Variants in KDM6A observed in about 807,000 individuals in gnomAD.
KDM6A encodes lysine demethylase 6A.
In KDM6A, 11 loss-of-function variants were observed where a neutral mutation model predicts 117.6. That is an observed-to-expected ratio of 0.09 (90% CI 0.06 to 0.15). The LOEUF (loss-of-function observed/expected upper bound fraction) is 0.15. Among genes scored for constraint, KDM6A ranks in the 10% least tolerant of loss-of-function variants. KDM6A has a pLI of 1.00. For missense variants in KDM6A, 799 were observed against 1,077.3 expected (o/e 0.74, Z 3.62); for synonymous variants, 384 against 396.1 (o/e 0.97, Z 0.36).
chrX:45,011,125 T>G (rs1439236346), intron 5 of KDM6A, 106 bp downstream of exon 5: 6 of 568,993 alleles, frequency 1.1e-5, no homozygotes, highest in Non-Finnish European at 1.8e-5. Flanking sequence ...AATAGAAAAT[T>G]TAGTGTCATT....
intron 4 of KDM6A, among the ~76,000 whole-genome samples, chrX:44,975,936 T>A (rs1320748234): frequency 8.9e-6 from 1 of 112,259 alleles, no homozygotes; most frequent in Non-Finnish European, 1.9e-5. Context: ...CAGGGGAGGA[T>A]CCTGGCCTCT....
intron 26 of KDM6A, among the ~76,000 whole-genome samples, chrX:45,090,266 A>T (rs1272337385): frequency 3.6e-5 from 4 of 112,406 alleles, no homozygotes; most frequent in Admixed American, 9.4e-5. Flanking sequence ...AGTGTTTCAT[A>T]TGAATAGCTC....
chrX:45,107,489 C>T lies in KDM6A; in HGVS notation c.4114C>T (p.His1372Tyr), dbSNP rs2148289171. ...TGCTGCAGGAAAAGAGATTATATGG[C>T]ATGGGCGGACAAAAGAAGAACCAGC... ...LIAAGKEIIWHGRTKEEPAHY... is the reference protein window; with the variant it reads ...LIAAGKEIIWYGRTKEEPAHY... Residue 1372 changes from histidine (H) to tyrosine (Y), a missense_variant, in exon 28 of 30, where the codon CAT becomes TAT. This residue lies in a region of KDM6A where 291 missense variants were observed against 437.9 expected (regional missense o/e 0.66). Coordinates refer to ENST00000611820, the MANE Select transcript of KDM6A (RefSeq NM_001291415.2). The T allele has an allele frequency of 8.3e-7, 1 of 1,209,183 alleles. No individual in the cohort carries two copies. Among genetic ancestry groups the T allele is most frequent in the Non-Finnish European group, 1.1e-6 (1 of 893,186 alleles).
chrX:45,061,877 T>C (rs763514476), intron 15 of KDM6A, among the ~76,000 whole-genome samples: 133 of 109,476 alleles, frequency 1.2e-3, no homozygotes, highest in Non-Finnish European at 2.3e-3. Context: ...ACCAGAATAA[T>C]GAAGAGCATT....
At chrX:45,020,835 G>T in intron 6 of KDM6A, 105 bp downstream of exon 6, 1 of 933,964 alleles carries the variant, frequency 1.1e-6, no homozygotes, top group East Asian at 3.2e-5. Flanking sequence ...ATTTATATTG[G>T]CACTTTAAAA....
At chrX:44,996,755 T>A (rs903997727) in intron 4 of KDM6A, among the ~76,000 whole-genome samples, 4 of 111,574 alleles carry the variant, frequency 3.6e-5, no homozygotes, top group African/African-American at 1.3e-4. Flanking sequence ...AGATACTGAT[T>A]TACTCAGCGG....
chrX:45,020,466 TTTAGTATTTA>T, intron 5 of KDM6A, 134 bp from the exon 6 acceptor site: 1 of 592,882 alleles, frequency 1.7e-6, no homozygotes, highest in Non-Finnish European at 2.6e-6. Flanking sequence ...ATTTTACTTT[TTTAGTATTTA>T]TTAACATCAT....
chrX:45,044,666 C>T (rs1239094285), intron 8 of KDM6A, among the ~76,000 whole-genome samples: 1 of 111,800 alleles, frequency 8.9e-6, no homozygotes, highest in South Asian at 3.6e-4. Flanking sequence ...ATGTTCTCTT[C>T]TGACCTTGCT....
intron 3 of KDM6A, among the ~76,000 whole-genome samples, chrX:44,966,522 G>A: frequency 9.0e-6 from 1 of 111,043 alleles, no homozygotes; most frequent in South Asian, 3.8e-4. Flanking sequence ...GGAAGGGAGG[G>A]CATGTGGCAA....
Position 45,111,400 on chromosome X carries a change from G to A in KDM6A, c.4351G>A (p.Ala1451Thr), listed in dbSNP as rs2046764359. 10 of 1,197,111 alleles carry A rather than the reference G, an allele frequency of 8.4e-6. No homozygotes were observed. The highest frequency in any genetic ancestry group is 1.1e-5 in the Non-Finnish European group (10 of 885,006). The change falls in exon 30 of 30, where the codon GCC becomes ACC. Residue 1451 changes from alanine (A) to threonine (T), a missense_variant. Coordinates refer to ENST00000611820, the MANE Select transcript of KDM6A (RefSeq NM_001291415.2). Reference sequence around the variant, plus strand: ...TTTTCAGGCTCCTCCATTACCATCCGCCTCATCTTGATATTGTTCCATGGA... The same window carrying A: ...TTTTCAGGCTCCTCCATTACCATCCACCTCATCTTGATATTGTTCCATGGA... ...QFTLAPPLPS[A>T]SS
chrX:45,071,783 T>TTTC (rs1338504341), intron 18 of KDM6A, among the ~76,000 whole-genome samples: 1 of 111,565 alleles, frequency 9.0e-6, no homozygotes, highest in Non-Finnish European at 1.9e-5. Flanking sequence ...TTTCTTGTCT[T>TTTC]TTTTTAAGAC....
intron 2 of KDM6A, among the ~76,000 whole-genome samples, chrX:44,888,112 C>T (rs1175947116): frequency 9.0e-6 from 1 of 111,542 alleles, no homozygotes; most frequent in African/African-American, 3.3e-5. Flanking sequence ...CAAGACCAGC[C>T]TGGCCAAGAT....
chrX:45,004,503 G>A (rs2041330301), intron 4 of KDM6A, among the ~76,000 whole-genome samples: 1 of 111,312 alleles, frequency 9.0e-6, no homozygotes, highest in Non-Finnish European at 1.9e-5. Context: ...AACTTTTAGT[G>A]ACAAATTGGA....
chrX:45,084,182 G>C (rs1407004679), intron 24 of KDM6A, among the ~76,000 whole-genome samples: 1 of 111,814 alleles, frequency 8.9e-6, no homozygotes, highest in African/African-American at 3.3e-5. Context: ...AATTAGGCTT[G>C]TCACTTTTGG....
rs184775613 is a variant in KDM6A, at chrX:45,087,931, A to T, written c.3705-1812A>T. ...TTTCACATAAAGATTGTTGCTTTTGATAGTGACTGTATACTGTATCTGTAG... is the reference window on the plus strand; with the variant it reads ...TTTCACATAAAGATTGTTGCTTTTGTTAGTGACTGTATACTGTATCTGTAG... On this transcript the variant is annotated intron_variant, in intron 25 of 29. Coordinates refer to ENST00000611820, the MANE Select transcript of KDM6A (RefSeq NM_001291415.2). Among the ~76,000 whole-genome samples the T allele has an allele frequency of 5.4e-5, 6 of 112,033 alleles. No homozygotes were observed. In the East Asian group the frequency reaches 1.7e-3, roughly 31 times the overall value.
intron 2 of KDM6A, among the ~76,000 whole-genome samples, chrX:44,894,630 T>C (rs2033654532): frequency 9.1e-6 from 1 of 109,315 alleles, no homozygotes; most frequent in Non-Finnish European, 1.9e-5. Context: ...AATTTTTTTT[T>C]TTTTTGAGAC....
intron 4 of KDM6A, among the ~76,000 whole-genome samples, chrX:44,984,362 G>A (rs1472133251): frequency 9.0e-6 from 1 of 111,347 alleles, no homozygotes; most frequent in African/African-American, 3.3e-5. Context: ...TTTGTGGGTT[G>A]CCTGTTCACT....
At chrX:44,909,144 A>G (rs1363839004) in intron 2 of KDM6A, among the ~76,000 whole-genome samples, 1 of 111,901 alleles carries the variant, frequency 8.9e-6, no homozygotes, top group South Asian at 3.7e-4. Context: ...ACCGACTTCT[A>G]TCATCATAGA....
intron 26 of KDM6A, among the ~76,000 whole-genome samples, chrX:45,090,370 T>C (rs1453095051): frequency 8.9e-6 from 1 of 112,211 alleles, no homozygotes; most frequent in Non-Finnish European, 1.9e-5. Context: ...AGACCTGGAT[T>C]AGGACCAGGA....
Sources: gnomAD v4.1 joint callset for allele counts (sites outside exome capture counted in the v4.1 genomes callset) on GRCh38, gnomAD v4.1.1 for gene constraint, gnomAD v4.1.1 regional missense constraint, MANE v1.5 for transcripts, NCBI Gene and HGNC (gene_info 2026-07-23, HGNC 2026-07-21) for gene names.